Variants in DIXDC1 observed in about 807,000 individuals in gnomAD.
DIXDC1 encodes dixin.
In DIXDC1, 64 loss-of-function variants were observed where a neutral mutation model predicts 103.1. The ratio of observed to expected loss-of-function variants is 0.62; its 90% confidence interval spans 0.51 to 0.76. The LOEUF is 0.76. Ranked by LOEUF, DIXDC1 falls within the 30% of genes least tolerant of loss-of-function variation. DIXDC1 has a pLI of 0.00. For missense variants in DIXDC1, 759 were observed against 834.2 expected, an observed-to-expected ratio of 0.91 and a Z score of 1.11; for synonymous variants, 266 against 298.5, an observed-to-expected ratio of 0.89 and a Z score of 1.12.
intron 17 of DIXDC1, 80 bp downstream of exon 17, chr11:111,996,226 G>A (rs1860894672): frequency 7.6e-7 from 1 of 1,315,616 alleles, no homozygotes; most frequent in East Asian, 2.4e-5. Context: ...ACATTTTGGG[G>A]ATGTAATTTT....
chr11:111,978,915 C>T lies in DIXDC1; in HGVS notation c.657-1822C>T, dbSNP rs141503051. Among the ~76,000 whole-genome samples, 20 of 152,302 alleles carry T rather than the reference C, an allele frequency of 1.3e-4. No homozygotes were observed. The East Asian group carries it at 3.9e-3, about 29-fold the overall frequency. On this transcript the variant is annotated intron_variant, in intron 5 of 19. Coordinates refer to ENST00000440460, the MANE Select transcript of DIXDC1 (RefSeq NM_001037954.4). ...TTCTCCTTGTGAATGACATAGTACA[C>T]TTGGATGAGAGCTTTTCAAGCAGCT...
chr11:111,943,375 C>G (rs190042397), intron 1 of DIXDC1, among the ~76,000 whole-genome samples: 2 of 152,184 alleles, frequency 1.3e-5, no homozygotes, highest in East Asian at 3.9e-4. Context: ...AGCTCCTGAC[C>G]TCAGGTGATC....
chr11:111,966,489 C>A (rs1186722979), intron 2 of DIXDC1, among the ~76,000 whole-genome samples: 1 of 149,978 alleles, frequency 6.7e-6, no homozygotes. Context: ...CTGCAAGCTC[C>A]GCCTCCCGGG....
chr11:111,982,538 T>G, intron 7 of DIXDC1, 51 bp downstream of exon 7: 1 of 1,566,120 alleles, frequency 6.4e-7, no homozygotes, highest in Admixed American at 1.9e-5. Flanking sequence ...GATTATTAAG[T>G]CAGTATTATC....
intron 17 of DIXDC1, among the ~76,000 whole-genome samples, chr11:112,010,594 T>A (rs1289522013): frequency 3.7e-4 from 56 of 152,082 alleles, no homozygotes. Flanking sequence ...GTACTGGTAC[T>A]AAAACAGATA....
chr11:112,017,641 G>T lies in DIXDC1; in HGVS notation c.1863-136G>T, dbSNP rs182197167. On this transcript the variant is annotated intron_variant, in intron 18 of 19. Transcript: ENST00000440460. The surrounding 1 kb of genome is among the most constrained non-coding windows in gnomAD (Gnocchi z 4.0). ...CAGCCTCTGCTGTTTTAGTCATCTG[G>T]GTTATCGGGGCAGTGACCTAACAAG... 6.7e-6 allele frequency: 4 copies of T among 599,720 alleles called. No homozygotes were observed. The South Asian group carries it at 8.7e-5, about 13-fold the overall frequency. 37.1% of individuals were successfully genotyped at this position (599,720 alleles called of 1,614,324 possible).
intron 17 of DIXDC1, among the ~76,000 whole-genome samples, chr11:112,003,465 T>A (rs1045917962): frequency 1.4e-5 from 2 of 146,626 alleles, no homozygotes; most frequent in East Asian, 4.1e-4. Context: ...AACAAAAAAA[T>A]AAAATAGCTA....
chr11:111,973,477 G>A (rs1860002187), intron 3 of DIXDC1, among the ~76,000 whole-genome samples: 1 of 151,930 alleles, frequency 6.6e-6, no homozygotes, highest in African/African-American at 2.4e-5. Context: ...GAGATATTTT[G>A]CATTTTGGGG....
intron 17 of DIXDC1, among the ~76,000 whole-genome samples, chr11:112,014,752 A>G (rs1861534818): frequency 6.6e-6 from 1 of 152,252 alleles, no homozygotes; most frequent in Non-Finnish European, 1.5e-5. Context: ...TTGTTGAATG[A>G]ATGAATAAAT....
intron 10 of DIXDC1, among the ~76,000 whole-genome samples, chr11:111,991,198 T>C (rs1406865843): frequency 6.6e-6 from 1 of 152,228 alleles, no homozygotes; most frequent in Non-Finnish European, 1.5e-5. Context: ...AAAAAACAAA[T>C]GTGTTCCACG....
chr11:112,006,298 G>A (rs919550019), intron 17 of DIXDC1, among the ~76,000 whole-genome samples: 14 of 152,072 alleles, frequency 9.2e-5, no homozygotes, highest in Admixed American at 2.0e-4. Flanking sequence ...CAAACTGGGC[G>A]GAGCCCACCA....
At position 111,995,075 on chromosome 11, in the gene DIXDC1, A is replaced by G; in HGVS notation, c.1494A>G (p.Ala498=). 1 of 1,613,812 alleles carries G rather than the reference A, an allele frequency of 6.2e-7. No homozygotes were observed. The change falls in exon 15 of 20, where the codon GCA becomes GCG. Residue 498 remains alanine, a synonymous_variant. Coordinates refer to ENST00000440460, the MANE Select transcript of DIXDC1 (RefSeq NM_001037954.4). ...GCAATGGTTTTCTCCTTCCAACGGCAGGAAAAGGAGCTACTTCAGTCAGCA... is the reference window on the plus strand; with the variant it reads ...GCAATGGTTTTCTCCTTCCAACGGCGGGAAAAGGAGCTACTTCAGTCAGCA... ...SQSNGFLLPT[A]GKGATSVSNR...
At chr11:111,933,855 C>A (rs1966115944), upstream of DIXDC1, among the ~76,000 whole-genome samples, 1 of 152,032 alleles carries the variant, frequency 6.6e-6, no homozygotes, top group Non-Finnish European at 1.5e-5. Flanking sequence ...GAATTTCACA[C>A]TTCTTATTTT....
chr11:112,016,464 CTAT>C (rs1299839345), intron 17 of DIXDC1, among the ~76,000 whole-genome samples: 1 of 152,300 alleles, frequency 6.6e-6, no homozygotes, highest in African/African-American at 2.4e-5. Context: ...TGTTCCCCTA[CTAT>C]GAGTGAGGAG....
intron 1 of DIXDC1, among the ~76,000 whole-genome samples, chr11:111,951,757 C>CT (rs1360109885): frequency 6.6e-6 from 1 of 152,152 alleles, no homozygotes; most frequent in Non-Finnish European, 1.5e-5. Context: ...TGCACAAACT[C>CT]TGTCTCTCTT....
At chr11:111,932,718 T>C (rs1175863874), upstream of DIXDC1, among the ~76,000 whole-genome samples, 1 of 152,210 alleles carries the variant, frequency 6.6e-6, no homozygotes, top group Admixed American at 6.5e-5. Context: ...ATTCTGTCTT[T>C]CTCCCTTCTT....
chr11:111,929,652 T>C (rs1965950086), intron 1 of DIXDC1, among the ~76,000 whole-genome samples: 1 of 151,638 alleles, frequency 6.6e-6, no homozygotes, highest in Non-Finnish European at 1.5e-5. Context: ...GCTTGTAATA[T>C]CTTCAGCTGG....
At chr11:111,975,078 T>G in intron 5 of DIXDC1, 95 bp downstream of exon 5, 1 of 1,534,786 alleles carries the variant, frequency 6.5e-7, no homozygotes, top group Non-Finnish European at 8.8e-7. Flanking sequence ...CTAAGCCCTT[T>G]TTCTCCCCTC....
intron 1 of DIXDC1, among the ~76,000 whole-genome samples, chr11:111,963,115 C>G (rs1230089525): frequency 6.6e-6 from 1 of 152,172 alleles, no homozygotes; most frequent in Non-Finnish European, 1.5e-5. Context: ...GAACCTCATC[C>G]ATAAAATGGA....
Sources: gnomAD v4.1 joint callset for allele counts (sites outside exome capture counted in the v4.1 genomes callset) on GRCh38, gnomAD v4.1.1 for gene constraint, Gnocchi (gnomAD v3.1) non-coding constraint, MANE v1.5 for transcripts, NCBI Gene and HGNC (gene_info 2026-07-23, HGNC 2026-07-21) for gene names.